UGT2A1: variants seen among roughly 807,000 people sequenced by gnomAD.
The protein encoded by UGT2A1 is UDP-glucuronosyltransferase 2A1.
A neutral mutation model predicts 45.4 loss-of-function variants in UGT2A1; 61 were observed. That is an observed-to-expected ratio of 1.34 (90% CI 1.09 to 1.66). The LOEUF (loss-of-function observed/expected upper bound fraction) is 1.66, where lower values mean the gene tolerates loss of function less well. Ranked by LOEUF, UGT2A1 falls within the 40% of genes most tolerant of loss-of-function variation. The pLI is 0.00. For synonymous variants in UGT2A1, 229 were observed against 196.2 expected, an observed-to-expected ratio of 1.17 and a Z score of -1.40; for missense variants, 649 against 574.3, an observed-to-expected ratio of 1.13 and a Z score of -1.33.
intron 4 of UGT2A1, chr4:69,596,385 C>T: frequency 6.4e-7 from 1 of 1,574,048 alleles, no homozygotes; most frequent in South Asian, 1.2e-5. Flanking sequence ...CCATTTCCTG[C>T]ATACATAATA....
At chr4:69,633,485 T>C (rs113323974) in intron 3 of UGT2A1, among the ~76,000 whole-genome samples, 4,464 of 152,178 alleles carry the variant, frequency 0.029, 222 homozygotes, top group African/African-American at 0.1. Flanking sequence ...TTCACCAATA[T>C]TAGGTACAAG....
At position 69,634,031 on chromosome 4, in the gene UGT2A1, C is replaced by T. The variant is rs558063637; in HGVS notation, c.847+1660G>A. Among the ~76,000 whole-genome samples, 669 of 151,980 alleles carry T rather than the reference C, an allele frequency of 4.4e-3. 7 individuals are homozygous for T. The highest frequency in any genetic ancestry group is 0.015 in the African/African-American group (614 of 41,494). ...GAGGCCGAGGCGGGCGGATCAGGAG[C>T]TCAGGAGATCGAGACCATCCTGGCT... is the stretch of plus-strand genomic sequence containing the variant. On this transcript the variant is annotated intron_variant, in intron 3 of 6. Transcript: ENST00000286604.
At chr4:69,613,370 C>G (rs1037633930) in intron 3 of UGT2A1, among the ~76,000 whole-genome samples, 5 of 151,840 alleles carry the variant, frequency 3.3e-5, no homozygotes, top group South Asian at 2.1e-4. Flanking sequence ...AAGCCCAGGA[C>G]CTGAAGACTT....
At chr4:69,593,944 A>C (rs2109878335) in intron 6 of UGT2A1, among the ~76,000 whole-genome samples, 1 of 151,770 alleles carries the variant, frequency 6.6e-6, no homozygotes, top group Non-Finnish European at 1.5e-5. Context: ...TATTTTGAAA[A>C]ATATTGAAAT....
intron 3 of UGT2A1, among the ~76,000 whole-genome samples, chr4:69,616,833 CTTT>C (rs4148315): frequency 2.3e-3 from 295 of 127,258 alleles, no homozygotes; most frequent in African/African-American, 7.2e-3. Context: ...ATTTTCTTTT[CTTT>C]TTTTTTTTTT....
Position 69,606,515 on chromosome 4 carries a change from G to C in UGT2A1, c.848-7121C>G, listed in dbSNP as rs1308096377. ...GTATTCCCTTTGAAAACTGGCACAA[G>C]ACAGGGATGCCCTCTCTCACCACTC... On this transcript the variant is annotated intron_variant, in intron 3 of 6. Transcript: ENST00000286604. Among the ~76,000 whole-genome samples, 46 of 136,242 alleles carry C rather than the reference G, an allele frequency of 3.4e-4. 7 individuals are homozygous for C. Among genetic ancestry groups the C allele is most frequent in the African/African-American group, 1.3e-3 (44 of 33,538 alleles). 89.4% of individuals were successfully genotyped at this position (136,242 alleles called of 152,430 possible).
intron 6 of UGT2A1, 130 bp downstream of exon 6, chr4:69,594,347 A>G (rs1050096996): frequency 2.8e-5 from 35 of 1,228,690 alleles, no homozygotes; most frequent in Non-Finnish European, 3.5e-5. Context: ...CAAATAAAAT[A>G]GTTTTTATAT....
intron 3 of UGT2A1, among the ~76,000 whole-genome samples, chr4:69,609,360 A>C (rs1719890792): frequency 6.6e-6 from 1 of 151,392 alleles, no homozygotes; most frequent in Non-Finnish European, 1.5e-5. Context: ...TTTCAGTTTT[A>C]ATTTTTTGTT....
chr4:69,599,435 A>T (rs3775782), intron 3 of UGT2A1, 41 bp from the exon 4 acceptor site: 638,821 of 1,598,808 alleles, frequency 0.4, 129,619 homozygotes, highest in East Asian at 0.54. Context: ...AAATTAGCTT[A>T]TATGTTTGCT....
intron 3 of UGT2A1, among the ~76,000 whole-genome samples, chr4:69,604,470 C>G (rs1719480872): frequency 7.3e-6 from 1 of 136,914 alleles, no homozygotes; most frequent in Non-Finnish European, 1.6e-5. Flanking sequence ...AAAAACATGC[C>G]ACATTGTACA....
chr4:69,593,772 T>A (rs1718723293), intron 6 of UGT2A1, among the ~76,000 whole-genome samples: 1 of 151,862 alleles, frequency 6.6e-6, no homozygotes, highest in Non-Finnish European at 1.5e-5. Flanking sequence ...TGGTATATAC[T>A]CAGTGTGAAT....
At chr4:69,612,128 T>C (rs947887475) in intron 3 of UGT2A1, among the ~76,000 whole-genome samples, 2 of 152,042 alleles carry the variant, frequency 1.3e-5, no homozygotes, top group Admixed American at 1.3e-4. Context: ...CCAAGGTTAA[T>C]AGGCAGCTCC....
At chr4:69,598,811 C>T (rs1308035689) in intron 4 of UGT2A1, among the ~76,000 whole-genome samples, 1 of 152,034 alleles carries the variant, frequency 6.6e-6, no homozygotes, top group Admixed American at 6.6e-5. Flanking sequence ...CATTGTCTTT[C>T]TTCAATAATG....
chr4:69,592,393 A>G (rs1466503385), intron 6 of UGT2A1, among the ~76,000 whole-genome samples: 1 of 152,236 alleles, frequency 6.6e-6, no homozygotes, highest in Non-Finnish European at 1.5e-5. Flanking sequence ...TGAAAAATAA[A>G]TGAGAAACTA....
chr4:69,649,823 C>A lies in UGT2A1; in HGVS notation c.-54-2125G>T, dbSNP rs193261754. Among the ~76,000 whole-genome samples, 515 of 152,116 alleles carry A rather than the reference C, an allele frequency of 3.4e-3. 4 individuals carry two copies. The highest frequency in any genetic ancestry group is 0.01 in the Middle Eastern group (3 of 292). On this transcript the variant is annotated intron_variant, in intron 1 of 6. Transcript: ENST00000286604. Reference sequence around the variant, plus strand: ...AGGTGCACAGATAAGATTAGTTACACAGAACCAGACATGTCTGTAATGGAA... The same window carrying A: ...AGGTGCACAGATAAGATTAGTTACAAAGAACCAGACATGTCTGTAATGGAA...
rs374804650 is a variant in UGT2A1 at position 69,599,313 on chromosome 4, C to T, written c.929G>A (p.Arg310His). 9.2e-5 allele frequency: 148 copies of T among 1,613,740 alleles called. No homozygotes were observed. In the Admixed American group the frequency reaches 9.2e-4, roughly 10 times the overall value. Residue 310 changes from arginine to histidine, a missense_variant, in exon 4 of 7, where the codon CGT (arginine) becomes CAT (histidine). Physicochemically the swap from Arg to His is conservative, Grantham distance 29 (BLOSUM62 0). Coordinates refer to ENST00000286604, the MANE Select transcript of UGT2A1 (RefSeq NM_001252275.3). ...IRTYWDFEFP[R>H]PYLPNFEFVG... ...AAACTCAAAATTAGGTAAGTATGGA[C>T]GAGGAAATTCAAAATCCCAATATGT...
chr4:69,615,762 A>G (rs1228985718), intron 3 of UGT2A1, among the ~76,000 whole-genome samples: 1 of 152,004 alleles, frequency 6.6e-6, no homozygotes, highest in Non-Finnish European at 1.5e-5. Context: ...GCAATAACAA[A>G]TGCTGGTGAG....
chr4:69,639,384 GA>G, intron 2 of UGT2A1: 1 of 1,613,538 alleles, frequency 6.2e-7, no homozygotes. Flanking sequence ...CTTCTTGTAG[GA>G]AACAGGTATC....
At chr4:69,592,940 G>A (rs2109876483) in intron 6 of UGT2A1, among the ~76,000 whole-genome samples, 1 of 152,100 alleles carries the variant, frequency 6.6e-6, no homozygotes, top group Admixed American at 6.5e-5. Context: ...CTGAGTTTCT[G>A]AATTTTAAAA....
Sources: gnomAD v4.1 joint callset for allele counts (sites outside exome capture counted in the v4.1 genomes callset) on GRCh38, gnomAD v4.1.1 for gene constraint, MANE v1.5 for transcripts, NCBI Gene and HGNC (gene_info 2026-07-23, HGNC 2026-07-21) for gene names.